Variants in ZBTB20 observed in about 807,000 individuals in gnomAD.
ZBTB20 encodes the protein zinc finger and BTB domain containing 20.
In ZBTB20, 9 loss-of-function variants were observed where a neutral mutation model predicts 56.9. The ratio of observed to expected loss-of-function variants is 0.16; its 90% CI spans 0.10 to 0.28. The LOEUF (loss-of-function observed/expected upper bound fraction) is 0.28, where lower values mean the gene tolerates loss of function less well. Among genes scored for constraint, ZBTB20 ranks in the 10% least tolerant of loss-of-function variants. The probability of loss-of-function intolerance (pLI) is 1.00; values close to 1 mark genes in which losing one functional copy is unlikely to be tolerated. For synonymous variants in ZBTB20, 417 were observed against 420.7 expected, an observed-to-expected ratio of 0.99 and a Z score of 0.11; for missense variants, 655 against 1,003.0, an observed-to-expected ratio of 0.65 and a Z score of 4.69.
intron 3 of ZBTB20, among the ~76,000 whole-genome samples, chr3:114,917,160 T>C (rs1560396142): frequency 6.6e-6 from 1 of 152,172 alleles, no homozygotes; most frequent in Admixed American, 6.5e-5. Flanking sequence ...GTTAAGAGGC[T>C]GCTGCATTCT....
At chr3:114,813,553 C>A (rs2072706874) in intron 4 of ZBTB20, among the ~76,000 whole-genome samples, 1 of 152,092 alleles carries the variant, frequency 6.6e-6, no homozygotes, top group South Asian at 2.1e-4. Flanking sequence ...GAGTTTGAGA[C>A]CAGCCTGGGC....
intron 4 of ZBTB20, among the ~76,000 whole-genome samples, chr3:114,842,712 G>A (rs1428016241): frequency 6.6e-6 from 1 of 152,170 alleles, no homozygotes; most frequent in Admixed American, 6.5e-5. Flanking sequence ...TTGCAAGGAG[G>A]AAAACTGATT....
At chr3:114,476,692 G>A (rs1321358884) in intron 7 of ZBTB20, among the ~76,000 whole-genome samples, 2 of 152,182 alleles carry the variant, frequency 1.3e-5, no homozygotes, top group Non-Finnish European at 2.9e-5. Context: ...TGAAGGCAGA[G>A]CCCTCATGAC....
chr3:115,055,847 T>C (rs1201248749), intron 2 of ZBTB20, among the ~76,000 whole-genome samples: 1 of 152,084 alleles, frequency 6.6e-6, no homozygotes, highest in Admixed American at 6.6e-5. Flanking sequence ...TTGAAATTAA[T>C]TATAGAGAAC....
intron 7 of ZBTB20, among the ~76,000 whole-genome samples, chr3:114,491,903 A>G (rs1417904984): frequency 6.6e-6 from 1 of 152,152 alleles, no homozygotes; most frequent in Non-Finnish European, 1.5e-5. Context: ...ACTTCAACAA[A>G]ACAGCTTTTG....
intron 5 of ZBTB20, among the ~76,000 whole-genome samples, chr3:114,741,275 C>G (rs765768255): frequency 2.0e-5 from 3 of 152,144 alleles, no homozygotes; most frequent in Non-Finnish European, 4.4e-5. Context: ...CCTAGTACTA[C>G]AAAAATTCCC....
At chr3:115,078,306 G>A (rs1310729452) in intron 1 of ZBTB20, among the ~76,000 whole-genome samples, 3 of 152,034 alleles carry the variant, frequency 2.0e-5, no homozygotes, top group African/African-American at 7.2e-5. Flanking sequence ...AAGCTATGGA[G>A]GAATAATCAC....
At chr3:114,383,148 G>T (rs1294382632) in intron 8 of ZBTB20, among the ~76,000 whole-genome samples, 1 of 152,188 alleles carries the variant, frequency 6.6e-6, no homozygotes, top group Non-Finnish European at 1.5e-5. Context: ...TCTGTGAGGG[G>T]TATTTAATAA....
At chr3:114,946,822 A>G (rs1481311122) in intron 3 of ZBTB20, among the ~76,000 whole-genome samples, 1 of 145,754 alleles carries the variant, frequency 6.9e-6, no homozygotes, top group Non-Finnish European at 1.5e-5. Flanking sequence ...ACTTAATTAA[A>G]CTAAAAAGCT....
chr3:114,437,323 T>C lies in ZBTB20; in HGVS notation c.-254-48218A>G, dbSNP rs111456085. Among the ~76,000 whole-genome samples the C allele has an allele frequency of 1.5e-3, 232 of 152,330 alleles. 1 individual carries two copies. Among genetic ancestry groups the C allele is most frequent in the Admixed American group, 3.1e-3 (47 of 15,292 alleles). ...CTCTTCTGTTGCTCCATGGTTGTGC[T>C]GTTGCTCAACAGGCGGTCAGCAAAC... On this transcript the variant is annotated intron_variant, in intron 7 of 11. Transcript: ENST00000675478.
At chr3:114,528,129 T>C (rs2669887) in intron 6 of ZBTB20, among the ~76,000 whole-genome samples, 3,684 of 152,210 alleles carry the variant, frequency 0.024, 152 homozygotes, top group African/African-American at 0.083. Flanking sequence ...AGCTCTGAGA[T>C]AATTTATCAT....
chr3:114,844,838 C>T (rs2074607076), intron 4 of ZBTB20, among the ~76,000 whole-genome samples: 1 of 143,022 alleles, frequency 7.0e-6, no homozygotes, highest in African/African-American at 2.5e-5. Context: ...ATGTGCTCAT[C>T]ATATACCATC....
chr3:115,051,719 A>T (rs758270941), intron 2 of ZBTB20, among the ~76,000 whole-genome samples: 1 of 152,242 alleles, frequency 6.6e-6, no homozygotes, highest in Non-Finnish European at 1.5e-5. Context: ...TCATAAATTT[A>T]GAATTATATT....
chr3:114,757,051 T>TAC (rs1193569503), intron 5 of ZBTB20, among the ~76,000 whole-genome samples: 1 of 152,150 alleles, frequency 6.6e-6, no homozygotes, highest in Non-Finnish European at 1.5e-5. Context: ...ACAGTTGGAT[T>TAC]ACAGAAGGGC....
intron 7 of ZBTB20, among the ~76,000 whole-genome samples, chr3:114,452,709 C>T (rs1232283238): frequency 6.6e-6 from 1 of 151,370 alleles, no homozygotes; most frequent in Non-Finnish European, 1.5e-5. Context: ...CCTACATTTT[C>T]CCTCCCCAGG....
chr3:114,856,593 C>T (rs2075266463), intron 4 of ZBTB20, among the ~76,000 whole-genome samples: 1 of 152,036 alleles, frequency 6.6e-6, no homozygotes, highest in Non-Finnish European at 1.5e-5. Context: ...CTGCACTACA[C>T]CCTAATGAAT....
At chr3:114,483,630 A>C (rs1302880242) in intron 7 of ZBTB20, among the ~76,000 whole-genome samples, 4 of 152,192 alleles carry the variant, frequency 2.6e-5, no homozygotes, top group Non-Finnish European at 4.4e-5. Flanking sequence ...TAGAAAATGC[A>C]GAAGACTGAA....
At chr3:114,537,492 G>C (rs1216121698) in intron 6 of ZBTB20, among the ~76,000 whole-genome samples, 1 of 152,196 alleles carries the variant, frequency 6.6e-6, no homozygotes, top group Admixed American at 6.5e-5. Flanking sequence ...AACAACAGAT[G>C]CTGGAGAGGA....
chr3:114,780,080 T>C (rs750090695), intron 5 of ZBTB20, among the ~76,000 whole-genome samples: 14 of 152,212 alleles, frequency 9.2e-5, no homozygotes, highest in Admixed American at 2.6e-4. Context: ...CTTTAAATCC[T>C]GAATAAAAAT....
Sources: gnomAD v4.1 joint callset for allele counts (sites outside exome capture counted in the v4.1 genomes callset) on GRCh38, gnomAD v4.1.1 for gene constraint, MANE v1.5 for transcripts, NCBI Gene and HGNC (gene_info 2026-07-23, HGNC 2026-07-21) for gene names.